CCDC112: variants seen among roughly 807,000 people sequenced by gnomAD.
CCDC112 encodes coiled-coil domain containing 112.
A neutral mutation model predicts 66.3 loss-of-function variants in CCDC112; 40 were observed. The observed-to-expected ratio is 0.60, with a 90% CI of 0.47 to 0.79. CCDC112 has a LOEUF of 0.79. CCDC112 is among the 30% of genes least tolerant of loss of function. The pLI is 0.00. For synonymous variants in CCDC112, 214 were observed against 197.2 expected (o/e 1.09, Z -0.71); for missense variants, 659 against 603.8 (o/e 1.09, Z -0.96).
In CCDC112 at chr5:115,296,476, G is replaced by A; in HGVS notation, c.68C>T (p.Ala23Val). The A allele has an allele frequency of 3.8e-6, 6 of 1,561,978 alleles. No individual in the cohort carries two copies. The highest frequency in any genetic ancestry group is 1.8e-5 in the Admixed American group (1 of 55,986). Reference protein sequence around the residue: ...ATAVAGAVAGAGAATGTGVGA... With the variant: ...ATAVAGAVAGVGAATGTGVGA... ...CACGCCGGTCCCGGTGGCCGCGCCC[G>A]CCCCTGCCACAGCCCCGGCTACCGC... The change falls in exon 1 of 10, where the codon GCG becomes GTG. Residue 23 changes from alanine to valine, a missense_variant. Coordinates refer to ENST00000379611, the MANE Select transcript of CCDC112 (RefSeq NM_001040440.3).
At chr5:115,273,596 A>G (rs1011187807) in intron 6 of CCDC112, among the ~76,000 whole-genome samples, 1 of 152,218 alleles carries the variant, frequency 6.6e-6, no homozygotes, top group African/African-American at 2.4e-5. Flanking sequence ...AGCAGATGGG[A>G]ACAAGGAAAA....
At chr5:115,289,057 T>G (rs1268950002) in intron 1 of CCDC112, 1 of 280,658 alleles carries the variant, frequency 3.6e-6, no homozygotes, top group Non-Finnish European at 6.8e-6. Context: ...TCCCTCAGCC[T>G]TCATCAAAGG....
At chr5:115,279,554 C>T in intron 3 of CCDC112, 93 bp downstream of exon 3, 1 of 1,241,990 alleles carries the variant, frequency 8.1e-7, no homozygotes, top group Non-Finnish European at 1.2e-6. Context: ...TGATAGAGAA[C>T]ACAATACAGT....
At chr5:115,275,655 C>T (rs1749178222) in intron 5 of CCDC112, 49 bp from the exon 6 acceptor site, 1 of 1,310,738 alleles carries the variant, frequency 7.6e-7, no homozygotes. Context: ...CCATATTAAC[C>T]CTTAATTTTC....
chr5:115,280,980 T>C (rs1749429504), intron 2 of CCDC112, among the ~76,000 whole-genome samples: 1 of 151,952 alleles, frequency 6.6e-6, no homozygotes, highest in Non-Finnish European at 1.5e-5. Context: ...CAACTATCTA[T>C]ACCGTAGAGT....
At chr5:115,271,089 T>C in intron 7 of CCDC112, 124 bp downstream of exon 7, 1 of 813,004 alleles carries the variant, frequency 1.2e-6, no homozygotes, top group South Asian at 1.9e-5. Flanking sequence ...GGCTTACTCA[T>C]TTTGGTATAC....
chr5:115,281,150 A>ACT (rs1749439414), intron 2 of CCDC112, among the ~76,000 whole-genome samples: 1 of 151,714 alleles, frequency 6.6e-6, no homozygotes, highest in African/African-American at 2.4e-5. Context: ...CAGCCTCCCG[A>ACT]GTAACTGGGA....
chr5:115,278,908 T>C (rs916682001), intron 3 of CCDC112, among the ~76,000 whole-genome samples: 3 of 152,172 alleles, frequency 2.0e-5, no homozygotes, highest in South Asian at 4.1e-4. Flanking sequence ...AGTTATTTGA[T>C]AACCATTATT....
chr5:115,289,030 G>C (rs899798875), intron 1 of CCDC112: 3 of 288,784 alleles, frequency 1.0e-5, no homozygotes, highest in African/African-American at 7.0e-5. Flanking sequence ...TTTATTGCCA[G>C]ACAGACTTGG....
intron 2 of CCDC112, among the ~76,000 whole-genome samples, chr5:115,284,254 C>T (rs1239283364): frequency 6.6e-6 from 1 of 152,132 alleles, no homozygotes; most frequent in African/African-American, 2.4e-5. Context: ...TGGAGCCAGC[C>T]TAAGAGTCCC....
In CCDC112 at chr5:115,271,219, T is replaced by C; in HGVS notation, c.1326A>G (p.Gln442=). The C allele has an allele frequency of 1.3e-6, 2 of 1,579,080 alleles. No homozygotes were observed. Among genetic ancestry groups the C allele is most frequent in the South Asian group, 2.4e-5 (2 of 84,132 alleles). The change falls in exon 7 of 10, where the codon CAA becomes CAG. Residue 442 remains glutamine (Q), a synonymous_variant. Transcript: ENST00000379611. ...AGGAAATAGATTTACTCACTCTTTC[T>C]TGAAATCTGGAAATTTCATCAGCAG... The part of the protein sequence containing the change: ...KNAADEISRF[Q]ERDLHKLELK...
At chr5:115,287,469 G>C (rs767871016) in intron 1 of CCDC112, among the ~76,000 whole-genome samples, 17 of 152,014 alleles carry the variant, frequency 1.1e-4, no homozygotes, top group Non-Finnish European at 1.8e-4. Flanking sequence ...CAAAAGACCA[G>C]ACAAAATAAA....
intron 1 of CCDC112, 109 bp downstream of exon 1, chr5:115,296,318 G>A: frequency 1.5e-6 from 2 of 1,350,836 alleles, no homozygotes. Flanking sequence ...CCCCGAGCAG[G>A]GGAGGCGAAC....
chr5:115,290,609 A>C (rs1286098707), intron 1 of CCDC112, among the ~76,000 whole-genome samples: 1 of 152,232 alleles, frequency 6.6e-6, no homozygotes, highest in East Asian at 1.9e-4. Context: ...GAAGTCTTCA[A>C]AATCATAAAC....
Position 115,275,285 on chromosome 5 carries a change from T to C in CCDC112, c.849A>G (p.Thr283=). 6.2e-7 allele frequency: 1 copy of C among 1,614,050 alleles called. No homozygotes were observed. Among genetic ancestry groups the C allele is most frequent in the Non-Finnish European group, 8.5e-7 (1 of 1,179,956 alleles). Residue 283 remains threonine, a synonymous_variant, in exon 6 of 10, where the codon ACA becomes ACG. Transcript: ENST00000379611. Reference sequence around the variant, plus strand: ...TTTCATGCTGTTGAACTTCATCTTGTGTTTTTCCAGGAAGGTGTTCTAGAA... The same window carrying C: ...TTTCATGCTGTTGAACTTCATCTTGCGTTTTTCCAGGAAGGTGTTCTAGAA... ...EEVLEHLPGK[T]QDEVQQHEKW...
At position 115,269,866 on chromosome 5, in the gene CCDC112, C is replaced by T. The variant is rs988505523; in HGVS notation, c.1333-68G>A. ...AGAATTTGTTCAAAATTTAGTTGTTCACAAGTAAAATTAAATTACCTTACC... is the reference window on the plus strand; with the variant it reads ...AGAATTTGTTCAAAATTTAGTTGTTTACAAGTAAAATTAAATTACCTTACC... On this transcript the variant is annotated intron_variant, in intron 7 of 9. Coordinates refer to ENST00000379611, the MANE Select transcript of CCDC112 (RefSeq NM_001040440.3). The T allele has an allele frequency of 2.0e-5, 19 of 960,400 alleles. No individual in the cohort carries two copies. The African/African-American group carries it at 3.0e-4, about 15-fold the overall frequency. The allele number at this position is 960,400 out of a possible 1,614,324, so 59.5% of individuals were successfully genotyped here.
Position 115,275,215 on chromosome 5 carries a change from C to T in CCDC112, c.918+1G>A. 1 of 1,594,446 alleles carries T rather than the reference C, an allele frequency of 6.3e-7. No individual in the cohort carries two copies. The highest frequency in any genetic ancestry group is 8.6e-7 in the Non-Finnish European group (1 of 1,169,186). On this transcript the variant is annotated splice_donor_variant, in intron 6 of 9. Transcript: ENST00000379611. LOFTEE classifies it high-confidence loss of function. The stretch of plus-strand genomic sequence containing the variant: ...TGAATAATAGCTATTATAATTATTA[C>T]CTCTTTTTTTCTTTCTTCTAGAGCC...
chr5:115,287,696 CTTT>C (rs778702533), intron 1 of CCDC112, among the ~76,000 whole-genome samples: 54 of 84,738 alleles, frequency 6.4e-4, no homozygotes, highest in Middle Eastern at 7.1e-3. Flanking sequence ...ATCCCCTTTC[CTTT>C]TTTTTTTTTT....
intron 1 of CCDC112, chr5:115,288,919 A>T (rs1749801205): frequency 4.5e-6 from 2 of 446,334 alleles, no homozygotes; most frequent in Non-Finnish European, 9.0e-6. Flanking sequence ...TGATAAAAAT[A>T]TTCCTCTGGA....
Sources: allele counts gnomAD v4.1 joint callset (sites outside exome capture counted in the v4.1 genomes callset), GRCh38; gene constraint gnomAD v4.1.1; transcripts MANE v1.5; gene names NCBI Gene and HGNC (gene_info 2026-07-23, HGNC 2026-07-21).